The following MGA variants were observed in gnomAD, a reference collection of about 807,000 sequenced individuals.
MGA encodes MAX dimerization protein MGA, also known as MAX gene-associated protein.
MGA carries 40 observed loss-of-function variants against 261.1 expected under a neutral mutation model. The observed-to-expected ratio is 0.15, with a 90% CI of 0.12 to 0.20. The LOEUF is 0.20. Among genes scored for constraint, MGA ranks in the 10% least tolerant of loss-of-function variants. The pLI is 1.00. For synonymous variants in MGA, 1,302 were observed against 1,290.6 expected, an observed-to-expected ratio of 1.01 and a Z score of -0.19; for missense variants, 3,397 against 3,630.5, an observed-to-expected ratio of 0.94 and a Z score of 1.65.
upstream of MGA, among the ~76,000 whole-genome samples, chr15:41,658,716 T>A (rs2057262644): frequency 6.6e-6 from 1 of 151,496 alleles, no homozygotes; most frequent in Non-Finnish European, 1.5e-5. Flanking sequence ...TTTTTTTTGT[T>A]TTGTTTTTTT....
At chr15:41,713,573 T>C in intron 9 of MGA, 77 bp downstream of exon 9, 4 of 1,412,728 alleles carry the variant, frequency 2.8e-6, no homozygotes, top group Non-Finnish European at 3.7e-6. Flanking sequence ...TAATACAACC[T>C]ACCTTAATCC....
intron 9 of MGA, among the ~76,000 whole-genome samples, chr15:41,716,554 C>A (rs183511078): frequency 6.6e-6 from 1 of 151,738 alleles, no homozygotes; most frequent in African/African-American, 2.4e-5. Flanking sequence ...AACATGTTGC[C>A]GATACCAAAA....
At position 41,720,722 on chromosome 15, in the gene MGA, A is replaced by T. The variant is rs184887159; in HGVS notation, c.3431-6458A>T. On this transcript the variant is annotated intron_variant, in intron 9 of 23. Coordinates refer to ENST00000219905, the MANE Select transcript of MGA (RefSeq NM_001164273.2). ...GTGGTGTGCGCCTGTAATCCCAGCT[A>T]CTCTGGAGGCTGAGCCACGAGAATC... 1.5e-3 allele frequency among the ~76,000 whole-genome samples: 223 copies of T among 151,900 alleles called. 1 individual carries two copies. The highest frequency in any genetic ancestry group is 5.2e-3 in the African/African-American group (217 of 41,444).
At chr15:41,706,346 G>A in intron 5 of MGA, among the ~76,000 whole-genome samples, 1 of 146,198 alleles carries the variant, frequency 6.8e-6, no homozygotes, top group African/African-American at 2.5e-5. Flanking sequence ...TTTTTTAAGA[G>A]ATGTGGTCTT....
At chr15:41,667,537 C>T (rs1162391415) in intron 1 of MGA, among the ~76,000 whole-genome samples, 1 of 152,002 alleles carries the variant, frequency 6.6e-6, no homozygotes, top group Non-Finnish European at 1.5e-5. Flanking sequence ...TGAGCCACTG[C>T]TCCCCCGCCG....
intron 1 of MGA, among the ~76,000 whole-genome samples, chr15:41,642,085 G>A (rs968118051): frequency 6.6e-6 from 1 of 152,178 alleles, no homozygotes; most frequent in African/African-American, 2.4e-5. Flanking sequence ...ACAGGTTTGA[G>A]CCACTGCGCC....
At chr15:41,637,425 C>G (rs1185027893) in intron 1 of MGA, among the ~76,000 whole-genome samples, 3 of 152,150 alleles carry the variant, frequency 2.0e-5, no homozygotes, top group Admixed American at 6.6e-5. Flanking sequence ...ATTACTTGAT[C>G]TCATAGAGGT....
intron 2 of MGA, among the ~76,000 whole-genome samples, chr15:41,685,107 A>G (rs906213696): frequency 6.6e-6 from 1 of 152,204 alleles, no homozygotes; most frequent in African/African-American, 2.4e-5. Flanking sequence ...TTCACATTTA[A>G]TTCTGTGATC....
At chr15:41,628,721 TAG>T (rs2140955067) in intron 1 of MGA, among the ~76,000 whole-genome samples, 1 of 152,320 alleles carries the variant, frequency 6.6e-6, no homozygotes, top group South Asian at 2.1e-4. Context: ...TCAGATTGTG[TAG>T]AGCCTTGCAG....
rs923731898 is a variant in MGA at position 41,750,341 on chromosome 15, G to T, written c.6734G>T (p.Ser2245Ile). Reference sequence around the variant, plus strand: ...TTGAAAACTGAATGTGATTCTTGGAGTAGGATTTCTAATCCTTCAGCCTTC... The same window carrying T: ...TTGAAAACTGAATGTGATTCTTGGATTAGGATTTCTAATCCTTCAGCCTTC... The change falls in exon 17 of 24, where the codon AGT becomes ATT. Residue 2245 changes from serine to isoleucine, a missense_variant. Transcript: ENST00000219905. 1.3e-5 allele frequency: 21 copies of T among 1,613,912 alleles called. No homozygotes were observed. Among genetic ancestry groups the T allele is most frequent in the Admixed American group, 3.3e-5 (2 of 60,006 alleles).
intron 5 of MGA, among the ~76,000 whole-genome samples, chr15:41,701,702 G>C (rs906816762): frequency 6.6e-6 from 1 of 152,174 alleles, no homozygotes; most frequent in African/African-American, 2.4e-5. Flanking sequence ...GTGGCTATGT[G>C]ATGTCTCTGA....
chr15:41,728,479 A>T (rs1324839316), intron 10 of MGA, among the ~76,000 whole-genome samples: 1 of 152,236 alleles, frequency 6.6e-6, no homozygotes, highest in East Asian at 1.9e-4. Context: ...TAACATAAAC[A>T]GTCAACACAT....
intron 2 of MGA, among the ~76,000 whole-genome samples, chr15:41,689,859 A>C (rs2059175164): frequency 1.3e-5 from 2 of 152,116 alleles, no homozygotes; most frequent in African/African-American, 2.4e-5. Flanking sequence ...TTCATTTTCT[A>C]ACAGTCTGAA....
intron 15 of MGA, among the ~76,000 whole-genome samples, chr15:41,746,729 T>C (rs1014405743): frequency 1.3e-5 from 2 of 152,010 alleles, no homozygotes; most frequent in African/African-American, 2.4e-5. Context: ...TATTTTTTTG[T>C]GTGGGCAGAG....
In MGA at chr15:41,749,092, C is replaced by G. The variant is rs754441794; in HGVS notation, c.5504-19C>G. On this transcript the variant is annotated intron_variant, in intron 16 of 23. Coordinates refer to ENST00000219905, the MANE Select transcript of MGA (RefSeq NM_001164273.2). ...GGGCAGTCATGATTTAAAAATTTCT[C>G]TCTTATTTTTTAAACCAGGGTCTGT... The G allele has an allele frequency of 2.5e-6, 4 of 1,589,764 alleles. No homozygotes were observed. The highest frequency in any genetic ancestry group is 3.4e-6 in the Non-Finnish European group (4 of 1,168,832).
At chr15:41,735,214 C>T (rs1340003874) in intron 12 of MGA, among the ~76,000 whole-genome samples, 1 of 152,108 alleles carries the variant, frequency 6.6e-6, no homozygotes, top group Non-Finnish European at 1.5e-5. Flanking sequence ...CGTGAGCACC[C>T]TGAGGATTAT....
intron 2 of MGA, among the ~76,000 whole-genome samples, chr15:41,672,514 T>C (rs1048348390): frequency 3.9e-5 from 6 of 152,194 alleles, no homozygotes; most frequent in Admixed American, 3.9e-4. Context: ...AAGCCTTTGA[T>C]TTTAATGGAT....
chr15:41,749,018 T>G (rs2062677747), intron 16 of MGA, 91 bp downstream of exon 16: 3 of 1,542,406 alleles, frequency 1.9e-6, no homozygotes, highest in African/African-American at 2.8e-5. Context: ...CTTCATCTCT[T>G]AAGAGTTACT....
At chr15:41,743,905 C>T (rs1003585233) in intron 15 of MGA, among the ~76,000 whole-genome samples, 1 of 152,118 alleles carries the variant, frequency 6.6e-6, no homozygotes, top group Admixed American at 6.5e-5. Flanking sequence ...ATATCCTACA[C>T]TTTGTGTAGT....
Sources: gnomAD v4.1 joint callset for allele counts (sites outside exome capture counted in the v4.1 genomes callset) on GRCh38, gnomAD v4.1.1 for gene constraint, MANE v1.5 for transcripts, NCBI Gene and HGNC (gene_info 2026-07-23, HGNC 2026-07-21) for gene names.